The following SOX6 variants were observed in gnomAD, a reference collection of about 807,000 sequenced individuals.
SOX6 encodes the protein transcription factor SOX-6.
Under a neutral mutation model 97.8 loss-of-function variants are expected in SOX6, and 11 were observed. That is an observed-to-expected ratio of 0.11 (90% confidence interval 0.07 to 0.19). SOX6 has a LOEUF of 0.19. SOX6 is among the 10% of genes least tolerant of loss of function. The pLI is 1.00. For synonymous variants in SOX6, 360 were observed against 371.4 expected (o/e 0.97, Z 0.35); for missense variants, 810 against 1,039.5 (o/e 0.78, Z 3.04).
chr11:16,098,625 A>G (rs910889187), intron 7 of SOX6, among the ~76,000 whole-genome samples: 1 of 151,932 alleles, frequency 6.6e-6, no homozygotes, highest in Non-Finnish European at 1.5e-5. Flanking sequence ...ATTTCACAAT[A>G]TCAGTGATTT....
chr11:16,154,214 G>A (rs1045055303), intron 6 of SOX6, among the ~76,000 whole-genome samples: 4 of 152,020 alleles, frequency 2.6e-5, no homozygotes, highest in Non-Finnish European at 5.9e-5. Flanking sequence ...GAACTATGCC[G>A]TAATCAGGAT....
chr11:16,642,040 G>T (rs1456503016), intron 3 of SOX6, among the ~76,000 whole-genome samples: 1 of 152,216 alleles, frequency 6.6e-6, no homozygotes, highest in Non-Finnish European at 1.5e-5. Flanking sequence ...TGCAGTGGCT[G>T]GTACTGGTTG....
intron 4 of SOX6, among the ~76,000 whole-genome samples, chr11:16,573,247 T>A (rs1471452973): frequency 6.6e-6 from 1 of 152,192 alleles, no homozygotes. Flanking sequence ...AGAGATTTAT[T>A]TTTGTTAGGA....
At chr11:16,649,581 T>C (rs550852987) in intron 3 of SOX6, among the ~76,000 whole-genome samples, 111 of 152,224 alleles carry the variant, frequency 7.3e-4, no homozygotes, top group African/African-American at 2.5e-3. Context: ...TGAGAGAATT[T>C]GCCACTACTA....
chr11:16,023,700 A>G (rs1020595757), intron 12 of SOX6, among the ~76,000 whole-genome samples: 23 of 152,180 alleles, frequency 1.5e-4, no homozygotes, highest in Admixed American at 7.9e-4. Flanking sequence ...CACCATTAGC[A>G]ATTCATTCTT....
chr11:16,497,627 C>G (rs1463044532), intron 4 of SOX6, among the ~76,000 whole-genome samples: 1 of 152,058 alleles, frequency 6.6e-6, no homozygotes, highest in Non-Finnish European at 1.5e-5. Context: ...CTTAAAGGAC[C>G]TGACAGAGCT....
intron 12 of SOX6, 23 bp from the exon 13 acceptor site, chr11:16,015,073 G>A (rs1325036216): frequency 3.1e-6 from 5 of 1,599,960 alleles, no homozygotes; most frequent in Non-Finnish European, 4.3e-6. Context: ...ATAATCAGAG[G>A]CTTATTCTAG....
At chr11:16,099,629 T>A (rs1000168334) in intron 7 of SOX6, among the ~76,000 whole-genome samples, 2 of 151,570 alleles carry the variant, frequency 1.3e-5, no homozygotes, top group African/African-American at 2.4e-5. Flanking sequence ...AAACATATTT[T>A]AAAAAAATCA....
At chr11:15,997,045 G>C (rs905969713) in intron 13 of SOX6, among the ~76,000 whole-genome samples, 24 of 152,106 alleles carry the variant, frequency 1.6e-4, no homozygotes, top group Non-Finnish European at 3.2e-4. Flanking sequence ...ACTGAAAGAG[G>C]AGATTTCACT....
At chr11:16,618,800 A>G (rs1848503386) in intron 3 of SOX6, among the ~76,000 whole-genome samples, 1 of 152,046 alleles carries the variant, frequency 6.6e-6, no homozygotes. Context: ...ACTATAGAAG[A>G]CTGCCATCAT....
At chr11:16,503,060 C>T (rs1023713958) in intron 4 of SOX6, among the ~76,000 whole-genome samples, 3 of 151,920 alleles carry the variant, frequency 2.0e-5, no homozygotes, top group Non-Finnish European at 4.4e-5. Flanking sequence ...ATAATATATT[C>T]AAAATGTTAA....
intron 2 of SOX6, among the ~76,000 whole-genome samples, chr11:16,330,411 C>T (rs1025900588): frequency 6.6e-6 from 1 of 152,016 alleles, no homozygotes; most frequent in African/African-American, 2.4e-5. Context: ...AAAAATTAGC[C>T]AGGCATGGTG....
intron 3 of SOX6, among the ~76,000 whole-genome samples, chr11:16,239,062 A>G (rs1272872860): frequency 2.6e-5 from 4 of 152,026 alleles, no homozygotes; most frequent in Non-Finnish European, 5.9e-5. Flanking sequence ...TCCATCTCAC[A>G]TTTTTCATTA....
At chr11:16,155,378 C>T (rs905641314) in intron 6 of SOX6, among the ~76,000 whole-genome samples, 1 of 152,142 alleles carries the variant, frequency 6.6e-6, no homozygotes, top group Non-Finnish European at 1.5e-5. Flanking sequence ...AATAATATTA[C>T]CTACCTCAAT....
chr11:16,364,954 C>T (rs1159714216), intron 1 of SOX6, among the ~76,000 whole-genome samples: 1 of 152,044 alleles, frequency 6.6e-6, no homozygotes, highest in Non-Finnish European at 1.5e-5. Flanking sequence ...GAACAAGTAA[C>T]ACATACTTTT....
intron 2 of SOX6, among the ~76,000 whole-genome samples, chr11:16,716,178 G>A (rs1011788250): frequency 2.6e-5 from 4 of 152,180 alleles, no homozygotes; most frequent in African/African-American, 9.7e-5. Context: ...GGAGGTCGCA[G>A]TGAACTGACA....
intron 4 of SOX6, among the ~76,000 whole-genome samples, chr11:16,529,828 GA>G (rs1160259526): frequency 6.6e-6 from 1 of 151,880 alleles, no homozygotes; most frequent in Non-Finnish European, 1.5e-5. Flanking sequence ...ATCCAAAAGA[GA>G]AAAAAATCTT....
chr11:16,672,867 G>A (rs1380234839), intron 3 of SOX6, among the ~76,000 whole-genome samples: 1 of 151,972 alleles, frequency 6.6e-6, no homozygotes, highest in Non-Finnish European at 1.5e-5. Context: ...AAAAAAGCAG[G>A]GGTTGCAATC....
At chr11:16,382,807 AG>A (rs1406992220) in intron 1 of SOX6, among the ~76,000 whole-genome samples, 1 of 151,952 alleles carries the variant, frequency 6.6e-6, no homozygotes, top group African/African-American at 2.4e-5. Flanking sequence ...TGTCAACTCC[AG>A]GGTAGTTGTA....
Sources: gnomAD v4.1 joint callset for allele counts (sites outside exome capture counted in the v4.1 genomes callset) on GRCh38, gnomAD v4.1.1 for gene constraint, MANE v1.5 for transcripts, NCBI Gene and HGNC (gene_info 2026-07-23, HGNC 2026-07-21) for gene names.